The following COL11A1 variants were observed in gnomAD, a reference collection of about 807,000 sequenced individuals.
The protein encoded by COL11A1 is collagen alpha-1(XI) chain.
Under a neutral mutation model 265.2 loss-of-function variants are expected in COL11A1, and 74 were observed. That is an observed-to-expected ratio of 0.28 (90% CI 0.23 to 0.34). The LOEUF (loss-of-function observed/expected upper bound fraction) is 0.34, where lower values mean the gene tolerates loss of function less well. COL11A1 is among the 10% of genes least tolerant of loss of function. The probability of loss-of-function intolerance (pLI) is 1.00; values close to 1 mark genes in which losing one functional copy is unlikely to be tolerated. For synonymous variants in COL11A1, 816 were observed against 727.6 expected (o/e 1.12, Z -1.96); for missense variants, 2,165 against 2,263.6 (o/e 0.96, Z 0.88).
chr1:103,042,738 C>G (rs967022074), intron 4 of COL11A1, among the ~76,000 whole-genome samples: 1 of 151,846 alleles, frequency 6.6e-6, no homozygotes, highest in African/African-American at 2.4e-5. Context: ...ATGCCCCTTG[C>G]CCCTTTAGTC....
At chr1:102,909,906 T>C (rs1654439296) in intron 54 of COL11A1, among the ~76,000 whole-genome samples, 1 of 152,006 alleles carries the variant, frequency 6.6e-6, no homozygotes, top group African/African-American at 2.4e-5. Flanking sequence ...AAAAATATGT[T>C]ATAATAAAGA....
intron 1 of COL11A1, among the ~76,000 whole-genome samples, chr1:103,098,268 G>A (rs887664484): frequency 3.3e-5 from 5 of 151,862 alleles, no homozygotes; most frequent in African/African-American, 1.2e-4. Flanking sequence ...CTTAGCAATA[G>A]CATATTTATC....
At chr1:102,962,313 C>G in intron 39 of COL11A1, 48 bp from the exon 40 acceptor site, 1 of 1,409,612 alleles carries the variant, frequency 7.1e-7, no homozygotes, top group South Asian at 1.2e-5. Flanking sequence ...TTCTACACAT[C>G]TTTCTACAAA....
intron 54 of COL11A1, among the ~76,000 whole-genome samples, chr1:102,903,972 C>A (rs1570679701): frequency 6.6e-6 from 1 of 152,118 alleles, no homozygotes; most frequent in South Asian, 2.1e-4. Flanking sequence ...AAGCTATTCT[C>A]CCACCTCAGC....
At chr1:103,023,126 C>G in intron 7 of COL11A1, 130 bp from the exon 8 acceptor site, 2 of 881,228 alleles carry the variant, frequency 2.3e-6, no homozygotes, top group Non-Finnish European at 3.6e-6. Flanking sequence ...CAACTCTAAA[C>G]ACCTGGAAAG....
chr1:102,901,181 G>A (rs534965685), intron 54 of COL11A1, among the ~76,000 whole-genome samples: 7 of 152,026 alleles, frequency 4.6e-5, no homozygotes, highest in Non-Finnish European at 8.8e-5. Context: ...TTAGCTGGGC[G>A]TGGTGGTGGG....
At chr1:102,879,948 G>T (rs753455106) in intron 65 of COL11A1, 32 bp from the exon 66 acceptor site, 3 of 1,383,320 alleles carry the variant, frequency 2.2e-6, no homozygotes, top group South Asian at 2.3e-5. Context: ...GACACCTAAT[G>T]ACTCTTTTCC....
At chr1:103,100,545 A>T (rs1345435775) in intron 1 of COL11A1, 1 of 152,438 alleles carries the variant, frequency 6.6e-6, no homozygotes, top group Non-Finnish European at 1.5e-5. Context: ...AGCTATCTGG[A>T]TTCTAACATC....
At chr1:102,885,542 A>G (rs951110581) in intron 63 of COL11A1, among the ~76,000 whole-genome samples, 3 of 152,152 alleles carry the variant, frequency 2.0e-5, no homozygotes, top group African/African-American at 7.2e-5. Context: ...CATAACTTTA[A>G]TATCTTTAAC....
At chr1:103,094,429 G>A (rs1191479554) in intron 1 of COL11A1, among the ~76,000 whole-genome samples, 1 of 152,064 alleles carries the variant, frequency 6.6e-6, no homozygotes, top group Admixed American at 6.6e-5. Context: ...GTGGAGGAAG[G>A]ATTGGTACCA....
At chr1:102,930,662 G>A (rs1189536387) in intron 46 of COL11A1, among the ~76,000 whole-genome samples, 2 of 152,166 alleles carry the variant, frequency 1.3e-5, no homozygotes, top group African/African-American at 4.8e-5. Context: ...GTTTCAGAAG[G>A]AATGGTACCA....
chr1:103,081,683 T>C (rs990594969), intron 2 of COL11A1, among the ~76,000 whole-genome samples: 14 of 151,910 alleles, frequency 9.2e-5, no homozygotes, highest in African/African-American at 3.4e-4. Flanking sequence ...CCTTGATTTA[T>C]ACTTGTTTTC....
intron 49 of COL11A1, among the ~76,000 whole-genome samples, chr1:102,916,180 C>G (rs1655317362): frequency 6.6e-6 from 1 of 152,012 alleles, no homozygotes; most frequent in Non-Finnish European, 1.5e-5. Flanking sequence ...AGAGGAAAGA[C>G]AATAATTATA....
chr1:102,923,604 A>G (rs1392753013), intron 46 of COL11A1, among the ~76,000 whole-genome samples: 1 of 152,068 alleles, frequency 6.6e-6, no homozygotes, highest in African/African-American at 2.4e-5. Context: ...TATGTTTTGT[A>G]TAATATTATA....
At chr1:103,026,590 A>C (rs1465189925) in intron 5 of COL11A1, among the ~76,000 whole-genome samples, 2 of 152,116 alleles carry the variant, frequency 1.3e-5, no homozygotes, top group Admixed American at 6.6e-5. Flanking sequence ...TGGAATAATA[A>C]TTCAAACTCT....
chr1:102,899,856 T>C (rs547427336), intron 54 of COL11A1, among the ~76,000 whole-genome samples: 17 of 152,248 alleles, frequency 1.1e-4, no homozygotes, highest in Middle Eastern at 3.4e-3. Flanking sequence ...TCAGATGCCA[T>C]ATTAATATTT....
intron 1 of COL11A1, among the ~76,000 whole-genome samples, chr1:103,103,199 C>T (rs1346191747): frequency 6.6e-6 from 1 of 151,932 alleles, no homozygotes; most frequent in Non-Finnish European, 1.5e-5. Context: ...AAACAACACA[C>T]AAGTGTGTCA....
chr1:102,889,388 T>A (rs1178325073), intron 59 of COL11A1, 67 bp downstream of exon 59: 2 of 939,842 alleles, frequency 2.1e-6, no homozygotes, highest in African/African-American at 3.2e-5. Flanking sequence ...AAGGACTGTG[T>A]GTGTGTGTGT....
At position 103,052,479 on chromosome 1, in the gene COL11A1, C is replaced by G. The variant is rs558820525; in HGVS notation, c.652-21235G>C. ...TACATGTGTTCTCACCTTTAAATGTCCTTTTATTTTTACTACTCTAGGTTT... is the reference window on the plus strand; with the variant it reads ...TACATGTGTTCTCACCTTTAAATGTGCTTTTATTTTTACTACTCTAGGTTT... On this transcript the variant is annotated intron_variant, in intron 4 of 66. Coordinates refer to ENST00000370096, the MANE Select transcript of COL11A1 (RefSeq NM_001854.4). Among the ~76,000 whole-genome samples the G allele has an allele frequency of 9.2e-5, 14 of 152,188 alleles. No homozygotes were observed. In the South Asian group the frequency reaches 2.9e-3, roughly 32 times the overall value.
Sources: gnomAD v4.1 joint callset for allele counts (sites outside exome capture counted in the v4.1 genomes callset) on GRCh38, gnomAD v4.1.1 for gene constraint, MANE v1.5 for transcripts, NCBI Gene and HGNC (gene_info 2026-07-23, HGNC 2026-07-21) for gene names.